Variants in REDIC1 observed in about 807,000 individuals in gnomAD.
The protein encoded by REDIC1 is regulator of DNA class I crossover intermediates 1.
the REDIC1 span, chr12:39,683,489 G>A: frequency 1.3e-6 from 2 of 1,572,938 alleles, no homozygotes; most frequent in Admixed American, 3.4e-5. Context: ...CTCTATGTAA[G>A]TTTTTAGGTA....
At chr12:39,904,924 A>G in the REDIC1 span, among the ~76,000 whole-genome samples, 5 of 152,104 alleles carry the variant, frequency 3.3e-5, no homozygotes, top group African/African-American at 1.2e-4. Context: ...GTACATGCAC[A>G]CACACATAAG....
chr12:39,701,931 T>A, the REDIC1 span, among the ~76,000 whole-genome samples: 1 of 152,012 alleles, frequency 6.6e-6, no homozygotes, highest in African/African-American at 2.4e-5. Flanking sequence ...CTGGGACACA[T>A]TTAAAGCAGT....
At chr12:39,705,734 T>G in the REDIC1 span, among the ~76,000 whole-genome samples, 1 of 152,064 alleles carries the variant, frequency 6.6e-6, no homozygotes, top group Non-Finnish European at 1.5e-5. Flanking sequence ...CAATTGATGC[T>G]GAAAAAGCAT....
At chr12:39,852,599 G>A in the REDIC1 span, among the ~76,000 whole-genome samples, 1 of 152,130 alleles carries the variant, frequency 6.6e-6, no homozygotes, top group African/African-American at 2.4e-5. Context: ...AGAAGAATAG[G>A]GTCTGGAGGC....
At chr12:39,717,157 C>T in the REDIC1 span, among the ~76,000 whole-genome samples, 2 of 134,126 alleles carry the variant, frequency 1.5e-5, no homozygotes, top group African/African-American at 7.8e-5. Context: ...TATATATACA[C>T]ACATACACAC....
chr12:39,783,159 T>C, the REDIC1 span, among the ~76,000 whole-genome samples: 1 of 152,172 alleles, frequency 6.6e-6, no homozygotes, highest in African/African-American at 2.4e-5. Flanking sequence ...CTGAGAATGA[T>C]GGTTTCCAGC....
the REDIC1 span, among the ~76,000 whole-genome samples, chr12:39,762,024 G>A: frequency 6.6e-6 from 1 of 152,050 alleles, no homozygotes; most frequent in Admixed American, 6.6e-5. Flanking sequence ...TTGTGACCTG[G>A]ATTCCCAAAG....
chr12:39,772,088 T>C, the REDIC1 span, among the ~76,000 whole-genome samples: 1 of 152,252 alleles, frequency 6.6e-6, no homozygotes, highest in South Asian at 2.1e-4. Flanking sequence ...TCCTCATTTA[T>C]GTCATTATCA....
chr12:39,713,057 GTA>G, the REDIC1 span, among the ~76,000 whole-genome samples: 1 of 144,392 alleles, frequency 6.9e-6, no homozygotes, highest in Non-Finnish European at 1.5e-5. Context: ...GTATATACGT[GTA>G]TATGTGTATA....
At chr12:39,857,388 CT>C in the REDIC1 span, among the ~76,000 whole-genome samples, 1 of 152,158 alleles carries the variant, frequency 6.6e-6, no homozygotes, top group East Asian at 1.9e-4. Flanking sequence ...TCCTATATTC[CT>C]CTTGCCCTAA....
the REDIC1 span, among the ~76,000 whole-genome samples, chr12:39,705,401 C>G: frequency 6.6e-6 from 1 of 151,996 alleles, no homozygotes; most frequent in Non-Finnish European, 1.5e-5. Context: ...GAACTAATAC[C>G]AGTCCTACTA....
At chr12:39,906,942 TC>T in the REDIC1 span, among the ~76,000 whole-genome samples, 5 of 152,172 alleles carry the variant, frequency 3.3e-5, no homozygotes, top group African/African-American at 1.2e-4. Context: ...TTTATTTGAT[TC>T]TTTTTATAAA....
the REDIC1 span, chr12:39,764,357 C>T: frequency 1.0e-4 from 113 of 1,105,664 alleles, no homozygotes; most frequent in Non-Finnish European, 1.2e-4. Flanking sequence ...CTTATAACAG[C>T]AAAATATAAC....
the REDIC1 span, among the ~76,000 whole-genome samples, chr12:39,806,325 T>C: frequency 6.6e-6 from 1 of 152,212 alleles, no homozygotes; most frequent in African/African-American, 2.4e-5. Flanking sequence ...AATTGTAAGA[T>C]ATTCTTAACA....
chr12:39,726,890 T>C, the REDIC1 span, among the ~76,000 whole-genome samples: 1 of 152,260 alleles, frequency 6.6e-6, no homozygotes, highest in Non-Finnish European at 1.5e-5. Flanking sequence ...ATTCTGGTTT[T>C]GATTTGCATT....
the REDIC1 span, among the ~76,000 whole-genome samples, chr12:39,790,682 G>C: frequency 2.5e-4 from 26 of 104,974 alleles, no homozygotes; most frequent in Non-Finnish European, 4.3e-4. Flanking sequence ...ATAAACATAC[G>C]TGTGCATGTG....
the REDIC1 span, among the ~76,000 whole-genome samples, chr12:39,902,150 C>G: frequency 7.2e-6 from 1 of 139,534 alleles, no homozygotes; most frequent in Non-Finnish European, 1.5e-5. Context: ...AATGAGAACA[C>G]ATGGACACAG....
the REDIC1 span, chr12:39,684,896 C>CT: frequency 6.2e-7 from 1 of 1,612,560 alleles, no homozygotes; most frequent in Non-Finnish European, 8.5e-7. Context: ...GAATTGCACT[C>CT]TAAGCAGTCA....
chr12:39,712,128 G>GTA, the REDIC1 span, among the ~76,000 whole-genome samples: 1 of 128,216 alleles, frequency 7.8e-6, no homozygotes, highest in Non-Finnish European at 1.7e-5. Flanking sequence ...ATATATACCT[G>GTA]TATGTACATA....
Sources: gnomAD v4.1 joint callset for allele counts (sites outside exome capture counted in the v4.1 genomes callset) on GRCh38, gnomAD v4.1.1 for gene constraint, MANE v1.5 for transcripts, NCBI Gene and HGNC (gene_info 2026-07-23, HGNC 2026-07-21) for gene names.